PANK2: variants seen among roughly 807,000 people sequenced by gnomAD.
The protein encoded by PANK2 is pantothenate kinase 2, also known as pantothenate kinase 2, mitochondrial.
PANK2 carries 36 observed loss-of-function variants against 43.1 expected under a neutral mutation model. That is an observed-to-expected ratio of 0.84 (90% CI 0.64 to 1.10). The LOEUF (loss-of-function observed/expected upper bound fraction) is 1.10. Among genes scored for constraint, PANK2 ranks in the 50% least tolerant of loss-of-function variants. The pLI is 0.00. For missense variants in PANK2, 576 were observed against 593.3 expected (o/e 0.97, Z 0.30); for synonymous variants, 281 against 238.2 (o/e 1.18, Z -1.66).
rs1325669149 is a variant in PANK2 at position 3,929,226 on chromosome 20, C to T, written c.*5932C>T. ...CCTGGGCAACATAGTGAGTTGAGAC[C>T]TGTCTCTACAAAAAAATAATTACGA... is the stretch of plus-strand genomic sequence containing the variant. On this transcript the variant is annotated 3_prime_UTR_variant, in exon 7 of 7. Transcript: ENST00000610179. The T allele has an allele frequency of 6.6e-6, 1 of 152,254 alleles. No homozygotes were observed. The highest frequency in any genetic ancestry group is 2.4e-5 in the African/African-American group (1 of 41,450). 9.4% of individuals were successfully genotyped at this position (152,254 alleles called of 1,614,324 possible).
rs759622635 is a variant in PANK2, at chr20:3,908,166, A to G, written c.539A>G (p.His180Arg). ...CTGCACTTTATACGCTTTCCCACTC[A>G]TGACATGCCTGCTTTTATTCAAATG... Residue 180 changes from histidine (H) to arginine (R), a missense_variant, in exon 2 of 7, where the codon CAT becomes CGT. Physicochemically the swap from His to Arg is conservative, Grantham distance 29. This residue lies in a region of PANK2 where 544 missense variants were observed against 528.9 expected (regional missense o/e 1.03). Transcript: ENST00000610179. The G allele has an allele frequency of 8.1e-6, 13 of 1,614,198 alleles. No individual in the cohort carries two copies. In the East Asian group the frequency reaches 2.2e-4, roughly 28 times the overall value.
At chr20:3,906,206 C>T (rs958795868) in intron 1 of PANK2, among the ~76,000 whole-genome samples, 4 of 152,034 alleles carry the variant, frequency 2.6e-5, no homozygotes, top group African/African-American at 9.7e-5. Context: ...GGGTGGACTG[C>T]TTGAGCCCAG....
At chr20:3,915,429 G>A (rs967833541) in intron 4 of PANK2, among the ~76,000 whole-genome samples, 6 of 152,200 alleles carry the variant, frequency 3.9e-5, no homozygotes, top group East Asian at 1.9e-4. Context: ...CTCCTGAGTA[G>A]CTGGGACTAC....
intron 1 of PANK2, among the ~76,000 whole-genome samples, chr20:3,894,820 C>T (rs530579482): frequency 6.6e-6 from 1 of 152,218 alleles, no homozygotes; most frequent in East Asian, 1.9e-4. Context: ...AAGCAATAAG[C>T]AGGGACTAAA....
rs2090705358 is a variant in PANK2, at chr20:3,925,371, C to CTACAGGCA, written c.*2079_*2086dup. 1 of 152,336 alleles carries CTACAGGCA rather than the reference C, an allele frequency of 6.6e-6. No individual in the cohort carries two copies. Among genetic ancestry groups the CTACAGGCA allele is most frequent in the Admixed American group, 6.5e-5 (1 of 15,282 alleles). 9.4% of individuals were successfully genotyped at this position (152,336 alleles called of 1,614,324 possible). On this transcript the variant is annotated 3_prime_UTR_variant, in exon 7 of 7. Coordinates refer to ENST00000610179, the MANE Select transcript of PANK2 (RefSeq NM_001386393.1). ...GCCTTAGCCTCCTGCGTAGCTGAGACTACAGGCATGTGCCACCATGGCTGG... is the reference window on the plus strand; with the variant it reads ...GCCTTAGCCTCCTGCGTAGCTGAGACTACAGGCATACAGGCATGTGCCACCATGGCTGG...
intron 1 of PANK2, among the ~76,000 whole-genome samples, chr20:3,906,379 G>T (rs1261970626): frequency 2.0e-5 from 3 of 152,116 alleles, no homozygotes; most frequent in African/African-American, 7.2e-5. Flanking sequence ...AGCTGAGATT[G>T]TGGCGTTGCA....
chr20:3,898,036 A>G (rs950311901), intron 1 of PANK2, among the ~76,000 whole-genome samples: 2 of 151,948 alleles, frequency 1.3e-5, no homozygotes, highest in South Asian at 2.1e-4. Flanking sequence ...TTAATTGGTT[A>G]TATTGGATTT....
At position 3,914,063 on chromosome 20, in the gene PANK2, A is replaced by G. The variant is rs546565191; in HGVS notation, c.1082+1429A>G. On this transcript the variant is annotated intron_variant, in intron 4 of 6. Transcript: ENST00000610179. ...CTTGGCCTCCCAAAGTGCTGGGATT[A>G]CAGGCGTGAGCCACTGCGCCTGGCC... is the stretch of plus-strand genomic sequence containing the variant. Among the ~76,000 whole-genome samples, 11 of 152,168 alleles carry G rather than the reference A, an allele frequency of 7.2e-5. 1 individual carries two copies. In the South Asian group the frequency reaches 2.3e-3, roughly 32 times the overall value.
chr20:3,899,328 T>A (rs1471057252), intron 1 of PANK2, among the ~76,000 whole-genome samples: 1 of 151,702 alleles, frequency 6.6e-6, no homozygotes. Context: ...TGTGCCACCA[T>A]GCCCGGCTAA....
intron 5 of PANK2, among the ~76,000 whole-genome samples, chr20:3,918,412 C>G (rs2090596406): frequency 6.6e-6 from 1 of 151,638 alleles, no homozygotes; most frequent in Non-Finnish European, 1.5e-5. Context: ...GTATTCAAAA[C>G]TAGTTATTGT....
intron 4 of PANK2, among the ~76,000 whole-genome samples, chr20:3,915,499 T>C (rs2090544927): frequency 6.6e-6 from 1 of 152,182 alleles, no homozygotes; most frequent in African/African-American, 2.4e-5. Flanking sequence ...GGTTTCACCA[T>C]ATTGTCCAGG....
chr20:3,895,215 A>C (rs940785720), intron 1 of PANK2, among the ~76,000 whole-genome samples: 1 of 152,148 alleles, frequency 6.6e-6, no homozygotes. Flanking sequence ...TGGAAGTTGC[A>C]GTGAGCCGAG....
At chr20:3,914,698 T>G (rs902583758) in intron 4 of PANK2, among the ~76,000 whole-genome samples, 1 of 151,982 alleles carries the variant, frequency 6.6e-6, no homozygotes, top group Non-Finnish European at 1.5e-5. Flanking sequence ...CTCCTGGGTT[T>G]TAGTGATTCT....
chr20:3,912,289 T>A (rs534663931), intron 3 of PANK2, among the ~76,000 whole-genome samples, 169 bp from the exon 4 acceptor site: 7 of 152,358 alleles, frequency 4.6e-5, no homozygotes, highest in African/African-American at 1.7e-4. Flanking sequence ...CATATGTACC[T>A]TAAAGGTGTA....
In PANK2 at chr20:3,925,906, A is replaced by G. The variant is rs1389743342; in HGVS notation, c.*2612A>G. 1 of 152,324 alleles carries G rather than the reference A, an allele frequency of 6.6e-6. No individual in the cohort carries two copies. The highest frequency in any genetic ancestry group is 2.4e-5 in the African/African-American group (1 of 41,432). 9.4% of individuals were successfully genotyped at this position (152,324 alleles called of 1,614,324 possible). ...CACCTTCAGGTTGTGAGGTGCCCAT[A>G]AACTCTGCTGTTACCATTGCCACTT... On this transcript the variant is annotated 3_prime_UTR_variant, in exon 7 of 7. Transcript: ENST00000610179.
At chr20:3,889,144 C>G, upstream of PANK2, 1 of 1,573,022 alleles carries the variant, frequency 6.4e-7, no homozygotes, top group Non-Finnish European at 8.6e-7. Context: ...CATTGGGCGG[C>G]GCCGCCATCA....
At chr20:3,889,755 G>GGCCCGCCCT in intron 1 of PANK2, 27 bp downstream of exon 1, 8 of 982,140 alleles carry the variant, frequency 8.1e-6, no homozygotes, top group Non-Finnish European at 1.2e-5. Flanking sequence ...GCGCCCTCCC[G>GGCCCGCCCT]GCCCGCCCTG....
intron 6 of PANK2, among the ~76,000 whole-genome samples, chr20:3,919,624 C>T (rs1025074783): frequency 3.9e-5 from 6 of 152,130 alleles, no homozygotes; most frequent in African/African-American, 1.4e-4. Flanking sequence ...CATAGCCTGT[C>T]TTGGAAAGCA....
chr20:3,911,197 A>G (rs908661215), intron 3 of PANK2, among the ~76,000 whole-genome samples: 5 of 152,112 alleles, frequency 3.3e-5, no homozygotes, highest in Non-Finnish European at 7.4e-5. Context: ...TTCCACACAC[A>G]TGTGTGTGTA....
Sources: gnomAD v4.1 joint callset for allele counts (sites outside exome capture counted in the v4.1 genomes callset) on GRCh38, gnomAD v4.1.1 for gene constraint, gnomAD v4.1.1 regional missense constraint, MANE v1.5 for transcripts, NCBI Gene and HGNC (gene_info 2026-07-23, HGNC 2026-07-21) for gene names.